The following CACNB2 variants were observed in gnomAD, a reference collection of about 807,000 sequenced individuals.
CACNB2 encodes the protein calcium voltage-gated channel auxiliary subunit beta 2, also known as voltage-dependent L-type calcium channel subunit beta-2.
CACNB2 carries 42 observed loss-of-function variants against 73.3 expected under a neutral mutation model. That is an observed-to-expected ratio of 0.57 (90% CI 0.45 to 0.74). The LOEUF (loss-of-function observed/expected upper bound fraction) is 0.74, where lower values mean the gene tolerates loss of function less well. Among genes scored for constraint, CACNB2 ranks in the 30% least tolerant of loss-of-function variants. The probability of loss-of-function intolerance (pLI) is 0.00; values close to 1 mark genes in which losing one functional copy is unlikely to be tolerated. For missense variants in CACNB2, 940 were observed against 853.0 expected (o/e 1.10, Z -1.27); for synonymous variants, 348 against 310.3 (o/e 1.12, Z -1.28).
intron 3 of CACNB2, among the ~76,000 whole-genome samples, chr10:18,440,964 T>C (rs2046381911): frequency 6.6e-6 from 1 of 152,170 alleles, no homozygotes; most frequent in Non-Finnish European, 1.5e-5. Context: ...TGATATAAAC[T>C]TCAAATCTTA....
chr10:18,143,981 C>A (rs1019569638), intron 1 of CACNB2, among the ~76,000 whole-genome samples: 1 of 152,214 alleles, frequency 6.6e-6, no homozygotes, highest in Non-Finnish European at 1.5e-5. Context: ...GAGGGAGCAT[C>A]CTGATACATT....
chr10:18,214,801 G>A (rs1564349070), intron 2 of CACNB2, among the ~76,000 whole-genome samples: 1 of 152,078 alleles, frequency 6.6e-6, no homozygotes, highest in African/African-American at 2.4e-5. Flanking sequence ...GGGGCTTGTA[G>A]CAGTGGCTGT....
At chr10:18,444,698 G>A (rs577212528) in intron 3 of CACNB2, among the ~76,000 whole-genome samples, 24 of 152,222 alleles carry the variant, frequency 1.6e-4, no homozygotes, top group Admixed American at 3.3e-4. Context: ...CTAGATTTCC[G>A]TAATTTGTAA....
intron 2 of CACNB2, chr10:18,261,418 T>C (rs1382424947): frequency 1.4e-6 from 2 of 1,480,984 alleles, no homozygotes; most frequent in Non-Finnish European, 1.8e-6. Flanking sequence ...TTCCCTGTGC[T>C]GAACCAACCA....
chr10:18,303,311 T>C (rs11013459), intron 2 of CACNB2, among the ~76,000 whole-genome samples: 4,527 of 152,176 alleles, frequency 0.03, 227 homozygotes, highest in African/African-American at 0.1. Context: ...AAGAACAGCC[T>C]GGCCAGCATA....
At chr10:18,432,476 G>C (rs2045935912) in intron 3 of CACNB2, among the ~76,000 whole-genome samples, 1 of 137,870 alleles carries the variant, frequency 7.3e-6, no homozygotes, top group African/African-American at 2.8e-5. Flanking sequence ...GTGTGTGTGT[G>C]TGTGTCCCTG....
chr10:18,245,921 G>A (rs1757214), intron 2 of CACNB2, among the ~76,000 whole-genome samples: 38,683 of 152,048 alleles, frequency 0.25, 5,653 homozygotes, highest in African/African-American at 0.4. Context: ...GGAAGCAATC[G>A]ATGGGCATCA....
intron 3 of CACNB2, among the ~76,000 whole-genome samples, chr10:18,445,818 G>GA (rs2046704554): frequency 6.6e-6 from 1 of 152,200 alleles, no homozygotes; most frequent in African/African-American, 2.4e-5. Context: ...CAGATCACAT[G>GA]ACGTCAGAAG....
At chr10:18,261,667 A>G (rs2037550444) in intron 2 of CACNB2, among the ~76,000 whole-genome samples, 1 of 152,046 alleles carries the variant, frequency 6.6e-6, no homozygotes, top group African/African-American at 2.4e-5. Context: ...TATTTGAATG[A>G]TGGGATGGTG....
intron 2 of CACNB2, among the ~76,000 whole-genome samples, chr10:18,196,143 T>C (rs1342228933): frequency 3.9e-5 from 6 of 152,150 alleles, no homozygotes; most frequent in Non-Finnish European, 7.3e-5. Context: ...ATTCTTATTT[T>C]ACAGATGTGA....
chr10:18,230,878 T>C (rs558393132), intron 2 of CACNB2, among the ~76,000 whole-genome samples: 19 of 151,796 alleles, frequency 1.3e-4, no homozygotes, highest in African/African-American at 4.3e-4. Flanking sequence ...TTAATACTTC[T>C]ATACAAGAAG....
At chr10:18,220,241 A>AGGGGG (rs1476433166) in intron 2 of CACNB2, among the ~76,000 whole-genome samples, 1 of 81,810 alleles carries the variant, frequency 1.2e-5, no homozygotes, top group African/African-American at 7.1e-5. Context: ...ATAGAGAGAG[A>AGGGGG]GAGAGAGAGA....
intron 2 of CACNB2, among the ~76,000 whole-genome samples, chr10:18,336,382 G>A (rs1311372008): frequency 6.6e-6 from 1 of 152,314 alleles, no homozygotes; most frequent in Admixed American, 6.5e-5. Flanking sequence ...ACTTTGGGAG[G>A]CCAAGGTGGG....
chr10:18,147,769 T>C (rs2031137280), intron 1 of CACNB2, among the ~76,000 whole-genome samples: 1 of 152,214 alleles, frequency 6.6e-6, no homozygotes, highest in Admixed American at 6.5e-5. Flanking sequence ...ATCTTCCCTG[T>C]CTTTTCCGTT....
chr10:18,298,050 C>T (rs1243500775), intron 2 of CACNB2, among the ~76,000 whole-genome samples: 3 of 152,156 alleles, frequency 2.0e-5, no homozygotes, highest in Non-Finnish European at 1.5e-5. Context: ...TAACTCGAGA[C>T]AGTGCAGGAA....
At chr10:18,357,517 G>A (rs2041971448) in intron 2 of CACNB2, among the ~76,000 whole-genome samples, 2 of 152,098 alleles carry the variant, frequency 1.3e-5, no homozygotes, top group African/African-American at 2.4e-5. Flanking sequence ...ACAGGTGTGC[G>A]GCTATTAAAG....
intron 2 of CACNB2, among the ~76,000 whole-genome samples, chr10:18,361,073 C>G (rs1246547179): frequency 6.6e-6 from 1 of 152,096 alleles, no homozygotes; most frequent in Non-Finnish European, 1.5e-5. Flanking sequence ...GACTTTTCCC[C>G]CATCTACTAA....
At chr10:18,362,683 G>A (rs1194031105) in intron 2 of CACNB2, among the ~76,000 whole-genome samples, 1 of 152,216 alleles carries the variant, frequency 6.6e-6, no homozygotes, top group African/African-American at 2.4e-5. Context: ...GCTCACGCCT[G>A]TAATTCCAGC....
At chr10:18,306,716 GCTT>G (rs1225643619) in intron 2 of CACNB2, among the ~76,000 whole-genome samples, 2 of 152,128 alleles carry the variant, frequency 1.3e-5, no homozygotes, top group African/African-American at 4.8e-5. Flanking sequence ...AGGAGTGAGG[GCTT>G]CTTTGTTGCC....
Sources: gnomAD v4.1 joint callset for allele counts (sites outside exome capture counted in the v4.1 genomes callset) on GRCh38, gnomAD v4.1.1 for gene constraint, MANE v1.5 for transcripts, NCBI Gene and HGNC (gene_info 2026-07-23, HGNC 2026-07-21) for gene names.